Variants in LOXL2 observed in about 807,000 individuals in gnomAD.
The protein encoded by LOXL2 is lysyl oxidase homolog 2.
In LOXL2, 70 loss-of-function variants were observed where a neutral mutation model predicts 93.0. The observed-to-expected ratio is 0.75, with a 90% CI of 0.62 to 0.92. The LOEUF (loss-of-function observed/expected upper bound fraction) is 0.92, where lower values mean the gene tolerates loss of function less well. Among genes scored for constraint, LOXL2 ranks in the 40% least tolerant of loss-of-function variants. The probability of loss-of-function intolerance (pLI) is 0.00; values close to 1 mark genes in which losing one functional copy is unlikely to be tolerated. For synonymous variants in LOXL2, 438 were observed against 413.2 expected (o/e 1.06, Z -0.73); for missense variants, 973 against 1,054.9 (o/e 0.92, Z 1.08).
intron 11 of LOXL2, among the ~76,000 whole-genome samples, 165 bp from the exon 12 acceptor site, chr8:23,302,328 A>G (rs1803148764): frequency 1.3e-5 from 2 of 151,676 alleles, no homozygotes; most frequent in African/African-American, 4.8e-5. Flanking sequence ...CCCCCACTCA[A>G]TTCCCTACCC....
At chr8:23,358,376 G>A (rs1268229722) in intron 3 of LOXL2, among the ~76,000 whole-genome samples, 3 of 152,218 alleles carry the variant, frequency 2.0e-5, no homozygotes, top group Non-Finnish European at 4.4e-5. Flanking sequence ...GGAGAGAGAA[G>A]GACTGTGTGA....
chr8:23,385,071 C>G lies in LOXL2; in HGVS notation c.-83-16637G>C, dbSNP rs1804738710. On this transcript the variant is annotated intron_variant, in intron 1 of 13. Coordinates refer to ENST00000389131, the MANE Select transcript of LOXL2 (RefSeq NM_002318.3). The stretch of plus-strand genomic sequence containing the variant: ...GCAATTCCACAGCAGTTTCCTTCAA[C>G]TATGGATATAAAGACTTTCCTATTC... Among the ~76,000 whole-genome samples, 3 of 151,776 alleles carry G rather than the reference C, an allele frequency of 2.0e-5. No homozygotes were observed. The South Asian group carries it at 6.2e-4, about 32-fold the overall frequency.
intron 9 of LOXL2, chr8:23,316,739 TC>T: frequency 3.7e-6 from 2 of 545,182 alleles, no homozygotes. Flanking sequence ...AGCCCCTCCC[TC>T]CCGCTTTTCT....
intron 5 of LOXL2, among the ~76,000 whole-genome samples, chr8:23,330,363 T>C (rs112878503): frequency 7.7e-6 from 1 of 130,586 alleles, no homozygotes; most frequent in Non-Finnish European, 1.7e-5. Context: ...CAAAACAAAA[T>C]AAAACAAAAA....
chr8:23,334,409 G>T lies in LOXL2; in HGVS notation c.744-786C>A, dbSNP rs887319618. 3.3e-5 allele frequency among the ~76,000 whole-genome samples: 5 copies of T among 152,158 alleles called. No individual in the cohort carries two copies. In the East Asian group the frequency reaches 9.6e-4, roughly 29 times the overall value. On this transcript the variant is annotated intron_variant, in intron 4 of 13. Transcript: ENST00000389131. ...AAGCTGATTGCTAAACTCTCCCAAC[G>T]ATATACAAGATTAAATTTGTATTTC... is the stretch of plus-strand genomic sequence containing the variant.
chr8:23,373,702 G>A (rs1804539894), intron 1 of LOXL2, among the ~76,000 whole-genome samples: 1 of 152,104 alleles, frequency 6.6e-6, no homozygotes, highest in Non-Finnish European at 1.5e-5. Flanking sequence ...ATCCTTGGGA[G>A]GAAACTGAGG....
At chr8:23,330,068 G>C (rs939640040) in intron 5 of LOXL2, among the ~76,000 whole-genome samples, 1 of 152,216 alleles carries the variant, frequency 6.6e-6, no homozygotes, top group Non-Finnish European at 1.5e-5. Flanking sequence ...GCTCACGCCT[G>C]TAATCCCAGC....
chr8:23,387,113 C>T (rs908121400), intron 1 of LOXL2, among the ~76,000 whole-genome samples: 1 of 152,170 alleles, frequency 6.6e-6, no homozygotes, highest in African/African-American at 2.4e-5. Context: ...CAAATAAAAG[C>T]CAGAGACTGC....
chr8:23,397,694 C>T (rs945545166), intron 1 of LOXL2, among the ~76,000 whole-genome samples: 2 of 150,036 alleles, frequency 1.3e-5, no homozygotes, highest in African/African-American at 2.5e-5. Context: ...AGGAGAATGG[C>T]GTGAACTTGG....
In LOXL2 at chr8:23,328,372, C is replaced by A; in HGVS notation, c.1150+10G>T. The A allele has an allele frequency of 1.2e-6, 2 of 1,613,616 alleles. No homozygotes were observed. Among genetic ancestry groups the A allele is most frequent in the South Asian group, 1.1e-5 (1 of 91,046 alleles). On this transcript the variant is annotated intron_variant, in intron 6 of 13. Transcript: ENST00000389131. ...GAAGAGAGGCCCCCTCTAGCCTCCC[C>A]ATTCCTTACCTTGCCCCAGTCGGGA...
chr8:23,369,090 C>T (rs570354484), intron 1 of LOXL2, among the ~76,000 whole-genome samples: 2 of 152,232 alleles, frequency 1.3e-5, no homozygotes, highest in South Asian at 4.1e-4. Flanking sequence ...GGAGAAGGAG[C>T]GGGTCTGAAG....
In LOXL2 at chr8:23,298,017, G is replaced by A. The variant is rs1360730435; in HGVS notation, c.*26C>T. The A allele has an allele frequency of 4.4e-6, 7 of 1,597,936 alleles. No homozygotes were observed. Among genetic ancestry groups the A allele is most frequent in the African/African-American group, 1.3e-5 (1 of 74,758 alleles). On this transcript the variant is annotated 3_prime_UTR_variant, in exon 14 of 14. Coordinates refer to ENST00000389131, the MANE Select transcript of LOXL2 (RefSeq NM_002318.3). The stretch of plus-strand genomic sequence containing the variant: ...CATGGAAGATGTGGTGTGGCCTGAA[G>A]ACAGGAGTTGACCACGCAGGCTTCT...
chr8:23,344,197 G>A (rs966536772), intron 3 of LOXL2, among the ~76,000 whole-genome samples: 57 of 152,342 alleles, frequency 3.7e-4, no homozygotes, highest in African/African-American at 1.3e-3. Context: ...GCGATGATGC[G>A]GGACAGTTTC....
intron 4 of LOXL2, among the ~76,000 whole-genome samples, chr8:23,338,920 G>C (rs1210268118): frequency 6.6e-6 from 1 of 152,156 alleles, no homozygotes; most frequent in Non-Finnish European, 1.5e-5. Flanking sequence ...AGCAGACCTG[G>C]GCTGTCCTGC....
At chr8:23,334,600 G>A (rs1480044865) in intron 4 of LOXL2, among the ~76,000 whole-genome samples, 1 of 152,026 alleles carries the variant, frequency 6.6e-6, no homozygotes, top group East Asian at 1.9e-4. Context: ...GAAGCCCTTA[G>A]CCTGTATTGT....
chr8:23,381,289 G>A (rs1341696647), intron 1 of LOXL2, among the ~76,000 whole-genome samples: 1 of 152,092 alleles, frequency 6.6e-6, no homozygotes, highest in Non-Finnish European at 1.5e-5. Flanking sequence ...TCTTACTGCT[G>A]TAAACATTGT....
At chr8:23,376,616 A>C (rs1272202844) in intron 1 of LOXL2, among the ~76,000 whole-genome samples, 1 of 151,976 alleles carries the variant, frequency 6.6e-6, no homozygotes, top group Non-Finnish European at 1.5e-5. Context: ...TCAATTTCAG[A>C]GCCTGTTATT....
intron 2 of LOXL2, among the ~76,000 whole-genome samples, chr8:23,360,630 T>C (rs1314916341): frequency 1.3e-5 from 2 of 152,174 alleles, no homozygotes; most frequent in African/African-American, 2.4e-5. Flanking sequence ...CTTTTTCTTA[T>C]CAGTAAAGTG....
rs1046120319 is a variant in LOXL2 at position 23,403,696 on chromosome 8, C to G, written c.-84+258G>C. On this transcript the variant is annotated intron_variant, in intron 1 of 13. Transcript: ENST00000389131. Reference sequence around the variant, plus strand: ...CGCTCGGGACGATCCAGGGACCCAGCGCCTCGCTCCCCGGGCGCGCCAGCA... The same window carrying G: ...CGCTCGGGACGATCCAGGGACCCAGGGCCTCGCTCCCCGGGCGCGCCAGCA... 3.3e-5 allele frequency among the ~76,000 whole-genome samples: 5 copies of G among 152,096 alleles called. No individual in the cohort carries two copies. In the East Asian group the frequency reaches 7.8e-4, roughly 24 times the overall value.
Sources: allele counts gnomAD v4.1 joint callset (sites outside exome capture counted in the v4.1 genomes callset), GRCh38; gene constraint gnomAD v4.1.1; transcripts MANE v1.5; gene names NCBI Gene and HGNC (gene_info 2026-07-23, HGNC 2026-07-21).